ONECUT2: variants seen among roughly 807,000 people sequenced by gnomAD.
ONECUT2 encodes the protein one cut domain family member 2.
In ONECUT2, 10 loss-of-function variants were observed where a neutral mutation model predicts 27.9. That is an observed-to-expected ratio of 0.36 (90% CI 0.22 to 0.61). The LOEUF is 0.61. Ranked by LOEUF, ONECUT2 falls within the 20% of genes least tolerant of loss-of-function variation. The pLI, the probability that ONECUT2 is intolerant of heterozygous loss-of-function variation, is 0.73. For synonymous variants in ONECUT2, 334 were observed against 315.1 expected (o/e 1.06, Z -0.64); for missense variants, 686 against 721.0 (o/e 0.95, Z 0.56).
intron 1 of ONECUT2, among the ~76,000 whole-genome samples, chr18:57,437,609 C>T (rs950551573): frequency 2.6e-5 from 4 of 152,196 alleles, no homozygotes; most frequent in Non-Finnish European, 4.4e-5. Flanking sequence ...ACTTTCTGAC[C>T]GGGCTTGAGG....
At chr18:57,447,918 TTC>T (rs1280187725) in intron 1 of ONECUT2, among the ~76,000 whole-genome samples, 2 of 152,248 alleles carry the variant, frequency 1.3e-5, no homozygotes, top group Admixed American at 6.5e-5. Flanking sequence ...TTGCCACTGC[TTC>T]TGTCCCTGAC....
Position 57,435,663 on chromosome 18 carries a change from C to T in ONECUT2, c.-54C>T. On this transcript the variant is annotated 5_prime_UTR_variant, in exon 1 of 2. Coordinates refer to ENST00000491143, the MANE Select transcript of ONECUT2 (RefSeq NM_004852.3). ...CCGAGCCCCGCCACGCGCGCCTTGC[C>T]CGCCCGCCGGCCGCCCCCGCCGCCC... 9.9e-7 allele frequency: 1 copy of T among 1,010,528 alleles called. No individual in the cohort carries two copies. The highest frequency in any genetic ancestry group is 1.2e-6 in the Non-Finnish European group (1 of 841,074). 62.6% of individuals were successfully genotyped at this position (1,010,528 alleles called of 1,614,324 possible).
chr18:57,456,557 G>A (rs887507521), intron 1 of ONECUT2, among the ~76,000 whole-genome samples: 10 of 152,076 alleles, frequency 6.6e-5, no homozygotes, highest in African/African-American at 1.7e-4. Context: ...TCATAGAAAC[G>A]GAAAGTACAA....
intron 1 of ONECUT2, among the ~76,000 whole-genome samples, chr18:57,465,169 T>G (rs140089290): frequency 3.6e-4 from 54 of 151,920 alleles, no homozygotes; most frequent in African/African-American, 1.3e-3. Context: ...GCGGGGGTTG[T>G]TTGTTTGTTT....
chr18:57,461,156 T>C (rs889342161), intron 1 of ONECUT2, among the ~76,000 whole-genome samples: 2 of 152,166 alleles, frequency 1.3e-5, no homozygotes, highest in African/African-American at 4.8e-5. Context: ...TAGTTTAGTG[T>C]TGCTGTTTTT....
chr18:57,465,577 G>C (rs79960909), intron 1 of ONECUT2, among the ~76,000 whole-genome samples: 3 of 152,062 alleles, frequency 2.0e-5, no homozygotes, highest in African/African-American at 7.2e-5. Context: ...GCATCATATT[G>C]TTATATCAAA....
chr18:57,459,068 T>C (rs1378146541), intron 1 of ONECUT2, among the ~76,000 whole-genome samples: 1 of 152,202 alleles, frequency 6.6e-6, no homozygotes, highest in Non-Finnish European at 1.5e-5. Context: ...TTTTTATATA[T>C]TCTGGATGCA....
chr18:57,437,857 GGTTA>G (rs2050151811), intron 1 of ONECUT2, among the ~76,000 whole-genome samples: 2 of 152,232 alleles, frequency 1.3e-5, no homozygotes, highest in South Asian at 2.1e-4. Flanking sequence ...TAAAAATTCA[GGTTA>G]GTTAATGCAT....
At chr18:57,446,542 C>T (rs899330378) in intron 1 of ONECUT2, among the ~76,000 whole-genome samples, 1 of 152,102 alleles carries the variant, frequency 6.6e-6, no homozygotes, top group African/African-American at 2.4e-5. Flanking sequence ...TGCCACCTGC[C>T]GGGAGTCTTC....
intron 1 of ONECUT2, among the ~76,000 whole-genome samples, chr18:57,440,500 A>G (rs886115827): frequency 6.6e-6 from 1 of 152,204 alleles, no homozygotes; most frequent in Non-Finnish European, 1.5e-5. Flanking sequence ...GCTGGTCTCC[A>G]GTCCCCGCCG....
rs1361312630 is a variant in ONECUT2, at chr18:57,477,867, G to A, written c.*1144G>A. The A allele has an allele frequency of 6.6e-6, 1 of 151,996 alleles. No individual in the cohort carries two copies. The highest frequency in any genetic ancestry group is 1.5e-5 in the Non-Finnish European group (1 of 67,910). 9.4% of individuals were successfully genotyped at this position (151,996 alleles called of 1,614,324 possible). A position where few individuals can be genotyped will look rare whatever the true frequency, so the allele number is the denominator to read the frequency against. On this transcript the variant is annotated 3_prime_UTR_variant, in exon 2 of 2. Coordinates refer to ENST00000491143, the MANE Select transcript of ONECUT2 (RefSeq NM_004852.3). ...GTAGGGATGTTTTCTGTGTTTTCTA[G>A]CAAGAAAAAAAAATCAATCAATCAA...
chr18:57,452,754 T>G lies in ONECUT2; in HGVS notation c.1228+15810T>G, dbSNP rs1209301401. Among the ~76,000 whole-genome samples, 3 of 152,342 alleles carry G rather than the reference T, an allele frequency of 2.0e-5. No homozygotes were observed. The South Asian group carries it at 6.2e-4, about 32-fold the overall frequency. On this transcript the variant is annotated intron_variant, in intron 1 of 1. Coordinates refer to ENST00000491143, the MANE Select transcript of ONECUT2 (RefSeq NM_004852.3). ...CCTGTATTGTAAAATAGGGTTTCAC[T>G]TTAAACTTTTAAATTTTGTTCTACT...
chr18:57,471,246 G>C (rs1367414731), intron 1 of ONECUT2, among the ~76,000 whole-genome samples: 1 of 152,226 alleles, frequency 6.6e-6, no homozygotes, highest in Non-Finnish European at 1.5e-5. Context: ...GACAGGGCCA[G>C]GGCCGGTTAG....
intron 1 of ONECUT2, among the ~76,000 whole-genome samples, chr18:57,439,404 A>C (rs1177040002): frequency 2.6e-5 from 4 of 152,242 alleles, no homozygotes; most frequent in Non-Finnish European, 5.9e-5. Flanking sequence ...CGAGCATTCA[A>C]ATGTGTGTCT....
In ONECUT2 at chr18:57,490,543, T is replaced by G. The variant is rs561436038; in HGVS notation, c.*13820T>G. 9.2e-5 allele frequency: 14 copies of G among 152,248 alleles called. No individual in the cohort carries two copies. Among genetic ancestry groups the G allele is most frequent in the African/African-American group, 3.4e-4 (14 of 41,550 alleles). The allele number at this position is 152,248 out of a possible 1,614,324, so 9.4% of individuals were successfully genotyped here. A position where few individuals can be genotyped will look rare whatever the true frequency, so the allele number is the denominator to read the frequency against. On this transcript the variant is annotated 3_prime_UTR_variant, in exon 2 of 2. Transcript: ENST00000491143. ...TTTCAAAATTTAAAAAGGGACCCAT[T>G]AAATTATGGGAAAATGGCTATAGAG...
intron 1 of ONECUT2, among the ~76,000 whole-genome samples, chr18:57,454,517 A>G (rs937187327): frequency 2.0e-5 from 3 of 152,142 alleles, no homozygotes; most frequent in African/African-American, 7.2e-5. Flanking sequence ...GAGGAGGACA[A>G]GGTAGGTCCT....
At chr18:57,455,922 T>G (rs764577738) in intron 1 of ONECUT2, among the ~76,000 whole-genome samples, 4 of 152,118 alleles carry the variant, frequency 2.6e-5, no homozygotes, top group Non-Finnish European at 5.9e-5. Flanking sequence ...GTAAGGAAGG[T>G]GGTTTCTCTT....
chr18:57,462,411 G>A (rs2050296911), intron 1 of ONECUT2, among the ~76,000 whole-genome samples: 1 of 152,216 alleles, frequency 6.6e-6, no homozygotes, highest in South Asian at 2.1e-4. Context: ...TAAGAGACAG[G>A]GTCTCGCTCT....
chr18:57,446,497 A>G (rs2050201111), intron 1 of ONECUT2, among the ~76,000 whole-genome samples: 1 of 152,004 alleles, frequency 6.6e-6, no homozygotes, highest in South Asian at 2.1e-4. Flanking sequence ...CGGGGAGCAC[A>G]GTCAGGGCTT....
Sources: allele counts gnomAD v4.1 joint callset (sites outside exome capture counted in the v4.1 genomes callset), GRCh38; gene constraint gnomAD v4.1.1; transcripts MANE v1.5; gene names NCBI Gene and HGNC (gene_info 2026-07-23, HGNC 2026-07-21).